Variants in MYCL observed in about 807,000 individuals in gnomAD.
MYCL encodes the protein MYCL proto-oncogene, bHLH transcription factor.
A neutral mutation model predicts 31.0 loss-of-function variants in MYCL; 11 were observed. The ratio of observed to expected loss-of-function variants is 0.35; its 90% CI spans 0.22 to 0.59. The LOEUF is 0.59. MYCL is among the 20% of genes least tolerant of loss of function. MYCL has a pLI of 0.79. For missense variants in MYCL, 427 were observed against 486.1 expected, an observed-to-expected ratio of 0.88 and a Z score of 1.14; for synonymous variants, 208 against 202.4, an observed-to-expected ratio of 1.03 and a Z score of -0.23.
In MYCL at chr1:39,897,139, A is replaced by C. The variant is rs1644489893; in HGVS notation, c.*233T>G. The C allele has an allele frequency of 5.8e-6, 3 of 516,228 alleles. No individual in the cohort carries two copies. The highest frequency in any genetic ancestry group is 3.5e-5 in the Admixed American group (1 of 28,758). 32.0% of individuals were successfully genotyped at this position (516,228 alleles called of 1,614,324 possible). A position where few individuals can be genotyped will look rare whatever the true frequency, so the allele number is the denominator to read the frequency against. On this transcript the variant is annotated 3_prime_UTR_variant, in exon 2 of 2. Transcript: ENST00000372816. The surrounding 1 kb of genome is among the most constrained non-coding windows in gnomAD (Gnocchi z 4.3). ...AGTCAGCTGCCTGCTGGGAAGCCAA[A>C]GGCGCCAGAGAACATACAGCACTCC... is the stretch of plus-strand genomic sequence containing the variant.
chr1:39,899,514 G>T, intron 1 of MYCL: 1 of 634,186 alleles, frequency 1.6e-6, no homozygotes, highest in Non-Finnish European at 2.0e-6. Flanking sequence ...GCCCAGATCA[G>T]CGAAGTCCAC....
rs185797836 is a variant in MYCL at position 39,900,680 on chromosome 1, C to T, written c.496+259G>A. ...GTATTGTCCTCTCTAAGCGCCAACCCTCACCTCAAATCCCTTGTCCCCTGG... is the reference window on the plus strand; with the variant it reads ...GTATTGTCCTCTCTAAGCGCCAACCTTCACCTCAAATCCCTTGTCCCCTGG... On this transcript the variant is annotated intron_variant, in intron 1 of 1. Coordinates refer to ENST00000372816, the MANE Select transcript of MYCL (RefSeq NM_001033081.3). 5.6e-4 allele frequency: 776 copies of T among 1,382,024 alleles called. 8 individuals are homozygous for T. In the East Asian group the frequency reaches 0.015, roughly 26 times the overall value. The allele number at this position is 1,382,024 out of a possible 1,614,324, so 85.6% of individuals were successfully genotyped here.
chr1:39,900,489 C>A, intron 1 of MYCL: 2 of 1,050,260 alleles, frequency 1.9e-6, no homozygotes, highest in South Asian at 4.6e-5. Context: ...AACTGGAGAC[C>A]TAGGTTTTTA....
rs1370867291 is a variant in MYCL at position 39,900,963 on chromosome 1, C to G, written c.472G>C (p.Gly158Arg). The change falls in exon 1 of 2, where the codon GGG becomes CGG. Residue 158 changes from glycine (G) to arginine (R), a missense_variant. Coordinates refer to ENST00000372816, the MANE Select transcript of MYCL (RefSeq NM_001033081.3). ...LGEPKTQACS[G>R]SESPSDSENE... ...CCCGAGTCGCTTGGGCTCTCGGACC[C>G]GGAGCAGGCCTGGGTCTTGGGTTCG... 1 of 1,494,272 alleles carries G rather than the reference C, an allele frequency of 6.7e-7. No homozygotes were observed. The highest frequency in any genetic ancestry group is 2.6e-5 in the Admixed American group (1 of 39,144). The allele number at this position is 1,494,272 out of a possible 1,614,324, so 92.6% of individuals were successfully genotyped here.
rs112053791 is a variant in MYCL, at chr1:39,897,357, A to G, written c.*15T>C. ...TGTGTCTTCGTAAGACAGAACTGTC[A>G]GGCTTTTTGGTCAGTTAGTAGCCAG... On this transcript the variant is annotated 3_prime_UTR_variant, in exon 2 of 2. Transcript: ENST00000372816. The surrounding 1 kb of genome is among the most constrained non-coding windows in gnomAD (Gnocchi z 4.3). 6,386 of 1,562,754 alleles carry G rather than the reference A, an allele frequency of 4.1e-3. 180 individuals carry two copies. In the African/African-American group the frequency reaches 0.066, roughly 16 times the overall value.
At position 39,900,936 on chromosome 1, in the gene MYCL, T is replaced by C; in HGVS notation, c.496+3A>G. ...CTCTTGGATGGCTCGGGGAGGTCCT[T>C]ACCCGAGTCGCTTGGGCTCTCGGAC... On this transcript the variant is annotated splice_donor_region_variant and intron_variant, in intron 1 of 1. Coordinates refer to ENST00000372816, the MANE Select transcript of MYCL (RefSeq NM_001033081.3). 6.6e-7 allele frequency: 1 copy of C among 1,503,768 alleles called. No homozygotes were observed. The allele number at this position is 1,503,768 out of a possible 1,614,324, so 93.2% of individuals were successfully genotyped here.
intron 1 of MYCL, chr1:39,898,725 C>CTACCT: frequency 1.0e-6 from 1 of 985,456 alleles, no homozygotes; most frequent in African/African-American, 1.7e-5. Flanking sequence ...AAGGTACAAG[C>CTACCT]GACCATTTCC....
rs575651211 is a variant in MYCL at position 39,901,713 on chromosome 1, G to A, written c.-279C>T. ...CGGAGCGCAGCTCCCAGGGCCCGGC[G>A]GGGCCGGGCGGGGGCGCGCCGTGCC... On this transcript the variant is annotated 5_prime_UTR_variant, in exon 1 of 2. Coordinates refer to ENST00000372816, the MANE Select transcript of MYCL (RefSeq NM_001033081.3). This position sits in a 1 kb window ranked among gnomAD's most constrained non-coding sequence, Gnocchi z 6.9. The A allele has an allele frequency of 2.5e-6, 3 of 1,217,722 alleles. No homozygotes were observed. The highest frequency in any genetic ancestry group is 3.7e-5 in the East Asian group (1 of 27,290). 75.4% of individuals were successfully genotyped at this position (1,217,722 alleles called of 1,614,324 possible).
chr1:39,898,888 G>A, intron 1 of MYCL: 1 of 985,432 alleles, frequency 1.0e-6, no homozygotes, highest in Non-Finnish European at 1.2e-6. Context: ...GGGCAATTGG[G>A]AGAAAAGTCT....
rs1390488577 is a variant in MYCL at position 39,897,714 on chromosome 1, A to T, written c.753T>A (p.Asp251Glu). 1 of 1,614,066 alleles carries T rather than the reference A, an allele frequency of 6.2e-7. No homozygotes were observed. The highest frequency in any genetic ancestry group is 1.1e-5 in the South Asian group (1 of 91,080). ...DAAGEKEDEE[D>E]EEIVSPPPVE... ...CAGGTGGGGGACTCACAATCTCTTC[A>T]TCCTCCTCATCTTCCTTTTCCCCTG... The change falls in exon 2 of 2, where the codon GAT (aspartate) becomes GAA (glutamate). Residue 251 changes from aspartate (D) to glutamate (E), a missense_variant. Physicochemically the swap from Asp to Glu is conservative, Grantham distance 45. Transcript: ENST00000372816. This position sits in a 1 kb window ranked among gnomAD's most constrained non-coding sequence, Gnocchi z 4.3.
Position 39,901,623 on chromosome 1 carries a change from G to A in MYCL, c.-189C>T. 1.4e-6 allele frequency: 2 copies of A among 1,393,930 alleles called. No individual in the cohort carries two copies. Among genetic ancestry groups the A allele is most frequent in the Non-Finnish European group, 1.8e-6 (2 of 1,082,298 alleles). 86.3% of individuals were successfully genotyped at this position (1,393,930 alleles called of 1,614,324 possible). On this transcript the variant is annotated 5_prime_UTR_variant, in exon 1 of 2. Coordinates refer to ENST00000372816, the MANE Select transcript of MYCL (RefSeq NM_001033081.3). This position sits in a 1 kb window ranked among gnomAD's most constrained non-coding sequence, Gnocchi z 6.9. Reference sequence around the variant, plus strand: ...GCCCCGGGTCAGAGTGGTAGGGGAAGCCAATCGCAGCGCGCGGACCCGACT... The same window carrying A: ...GCCCCGGGTCAGAGTGGTAGGGGAAACCAATCGCAGCGCGCGGACCCGACT...
intron 1 of MYCL, chr1:39,898,745 G>A (rs1644506880): frequency 1.0e-6 from 1 of 985,360 alleles, no homozygotes. Flanking sequence ...CAAACTACCT[G>A]CACCAGAGGC....
chr1:39,898,472 T>G (rs1471265446), intron 1 of MYCL, among the ~76,000 whole-genome samples: 1 of 152,232 alleles, frequency 6.6e-6, no homozygotes, highest in Non-Finnish European at 1.5e-5. Context: ...TAAATCCTAT[T>G]ATTCCCCCAC....
At chr1:39,900,147 G>T (rs1644520560) in intron 1 of MYCL, 8 of 985,592 alleles carry the variant, frequency 8.1e-6, no homozygotes, top group Non-Finnish European at 9.6e-6. Context: ...TGACGCTGGA[G>T]ATCTATTGAG....
At chr1:39,898,602 T>C (rs1356300950) in intron 1 of MYCL, 1 of 969,452 alleles carries the variant, frequency 1.0e-6, no homozygotes, top group Non-Finnish European at 1.2e-6. Context: ...GCTCCTGGGT[T>C]CAATGGGTTT....
Position 39,897,618 on chromosome 1 carries a change from C to G in MYCL, c.849G>C (p.Arg283Ser). The G allele has an allele frequency of 6.2e-7, 1 of 1,614,198 alleles. No individual in the cohort carries two copies. The highest frequency in any genetic ancestry group is 8.5e-7 in the Non-Finnish European group (1 of 1,180,038). ...TGCGCTCCAGGAAGTTGTGATTCTT[C>G]CTCTTGGTCACATCCTCAGTATCAG... ...VSSDTEDVTK[R>S]KNHNFLERKR... Residue 283 changes from arginine (R) to serine (S), a missense_variant, in exon 2 of 2, where the codon AGG becomes AGC. Physicochemically the swap from Arg to Ser is moderately radical, Grantham distance 110. Transcript: ENST00000372816. This position sits in a 1 kb window ranked among gnomAD's most constrained non-coding sequence, Gnocchi z 4.3.
Position 39,897,352 on chromosome 1 carries a change from C to T in MYCL, c.*20G>A. On this transcript the variant is annotated 3_prime_UTR_variant, in exon 2 of 2. Transcript: ENST00000372816. This position sits in a 1 kb window ranked among gnomAD's most constrained non-coding sequence, Gnocchi z 4.3. ...AAACTTGTGTCTTCGTAAGACAGAA[C>T]TGTCAGGCTTTTTGGTCAGTTAGTA... 2 of 1,559,350 alleles carry T rather than the reference C, an allele frequency of 1.3e-6. No individual in the cohort carries two copies.
Position 39,897,998 on chromosome 1 carries a change from A to C in MYCL, c.497-28T>G, listed in dbSNP as rs1242824059. 1 of 1,599,132 alleles carries C rather than the reference A, an allele frequency of 6.3e-7. No individual in the cohort carries two copies. The highest frequency in any genetic ancestry group is 8.5e-7 in the Non-Finnish European group (1 of 1,172,434). On this transcript the variant is annotated intron_variant, in intron 1 of 1. Transcript: ENST00000372816. This position sits in a 1 kb window ranked among gnomAD's most constrained non-coding sequence, Gnocchi z 4.3. ...GTCCGAGAAAAGAGATCAAGAGAAG[A>C]AACACATCCCATGAGAAACACAAAC... is the stretch of plus-strand genomic sequence containing the variant.
chr1:39,901,297 G>A lies in MYCL; in HGVS notation c.138C>T (p.Gly46=). The A allele has an allele frequency of 1.2e-6, 2 of 1,602,166 alleles. No individual in the cohort carries two copies. The highest frequency in any genetic ancestry group is 1.1e-5 in the South Asian group (1 of 89,562). The change falls in exon 1 of 2, where the codon GGC becomes GGT. Residue 46 remains glycine (G), a synonymous_variant. Coordinates refer to ENST00000372816, the MANE Select transcript of MYCL (RefSeq NM_001033081.3). This position sits in a 1 kb window ranked among gnomAD's most constrained non-coding sequence, Gnocchi z 6.9. ...CCGGGTCCCCTGCGCCGGGACCCAA[G>A]CCCCAGGGCGGCGACGTGGGGGGCG... ...VPSPPTSPPW[G]LGPGAGDPAP... is the part of the protein sequence containing the mutation.
Sources: allele counts gnomAD v4.1 joint callset (sites outside exome capture counted in the v4.1 genomes callset), GRCh38; gene constraint gnomAD v4.1.1; non-coding constraint Gnocchi (gnomAD v3.1); transcripts MANE v1.5; gene names NCBI Gene and HGNC (gene_info 2026-07-23, HGNC 2026-07-21).